Variants in PCDHGC3 observed in about 807,000 individuals in gnomAD.
The protein encoded by PCDHGC3 is protocadherin gamma-C3.
A neutral mutation model predicts 59.2 loss-of-function variants in PCDHGC3; 26 were observed. The observed-to-expected ratio is 0.44, with a 90% CI of 0.32 to 0.61. PCDHGC3 has a LOEUF of 0.61. PCDHGC3 is among the 20% of genes least tolerant of loss of function. The pLI is 0.05. For synonymous variants in PCDHGC3, 487 were observed against 519.7 expected, an observed-to-expected ratio of 0.94 and a Z score of 0.86; for missense variants, 1,080 against 1,221.8, an observed-to-expected ratio of 0.88 and a Z score of 1.73.
At chr5:141,504,517 T>C (rs1057166865) in intron 2 of PCDHGC3, among the ~76,000 whole-genome samples, 5 of 151,918 alleles carry the variant, frequency 3.3e-5, no homozygotes, top group African/African-American at 1.2e-4. Context: ...TCTCCTCTGA[T>C]ATATTTTATT....
rs376937850 is a variant in PCDHGC3 at position 141,491,097 on chromosome 5, C to T, written c.2431-3710C>T. The T allele has an allele frequency of 1.2e-6, 2 of 1,614,170 alleles. No homozygotes were observed. Among genetic ancestry groups the T allele is most frequent in the Non-Finnish European group, 1.7e-6 (2 of 1,180,018 alleles). On this transcript the variant is annotated intron_variant, in intron 1 of 3. Coordinates refer to ENST00000308177, the MANE Select transcript of PCDHGC3 (RefSeq NM_002588.4). The surrounding 1 kb of genome is among the most constrained non-coding windows in gnomAD (Gnocchi z 6.9). ...CACAGTCCACAGCCCCAGGACTGTT[C>T]CTCGTGTCTACACACACTGGTGAGG...
Position 141,478,305 on chromosome 5 carries a change from C to G in PCDHGC3, c.2189C>G (p.Pro730Arg). Residue 730 changes from proline (P) to arginine (R), a missense_variant, in exon 1 of 4, where the codon CCG becomes CGG. Transcript: ENST00000308177. Reference protein sequence around the residue: ...WKQSRDLYRAPVSSLYRTPGP... With the variant: ...WKQSRDLYRARVSSLYRTPGP... ...CAGTCTAGAGACCTATACCGAGCCC[C>G]GGTGAGCTCACTGTACCGAACACCA... The G allele has an allele frequency of 6.2e-7, 1 of 1,614,092 alleles. No individual in the cohort carries two copies. Among genetic ancestry groups the G allele is most frequent in the Non-Finnish European group, 8.5e-7 (1 of 1,180,042 alleles).
Position 141,477,588 on chromosome 5 carries a change from G to T in PCDHGC3, c.1472G>T (p.Arg491Leu). 1 of 1,614,152 alleles carries T rather than the reference G, an allele frequency of 6.2e-7. No individual in the cohort carries two copies. The highest frequency in any genetic ancestry group is 8.5e-7 in the Non-Finnish European group (1 of 1,180,040). ...GACCCCGACGCCCCGCAGAATGCTCGGCTTTCTTTCTTTCTCTTGGAGCAA... is the reference window on the plus strand; with the variant it reads ...GACCCCGACGCCCCGCAGAATGCTCTGCTTTCTTTCTTTCTCTTGGAGCAA... ...VWDPDAPQNARLSFFLLEQGA... is the reference protein window; with the variant it reads ...VWDPDAPQNALLSFFLLEQGA... Residue 491 changes from arginine (R) to leucine (L), a missense_variant, in exon 1 of 4, where the codon CGG becomes CTG. Arg to Leu is a moderately radical substitution (Grantham distance 102). Coordinates refer to ENST00000308177, the MANE Select transcript of PCDHGC3 (RefSeq NM_002588.4). This position sits in a 1 kb window ranked among gnomAD's most constrained non-coding sequence, Gnocchi z 4.9.
rs759604162 is a variant in PCDHGC3, at chr5:141,478,551, G to A, written c.2430+5G>A. 10 of 1,603,054 alleles carry A rather than the reference G, an allele frequency of 6.2e-6. No individual in the cohort carries two copies. The highest frequency in any genetic ancestry group is 3.3e-5 in the South Asian group (3 of 90,106). On this transcript the variant is annotated splice_donor_5th_base_variant and intron_variant, in intron 1 of 3. Coordinates refer to ENST00000308177, the MANE Select transcript of PCDHGC3 (RefSeq NM_002588.4). ...GAGAGCGCCCCTCCCGGACAGGTAAGGTTTAGCAAGTCATGCTTGACCCTG... is the reference window on the plus strand; with the variant it reads ...GAGAGCGCCCCTCCCGGACAGGTAAAGTTTAGCAAGTCATGCTTGACCCTG...
intron 3 of PCDHGC3, 69 bp from the exon 4 acceptor site, chr5:141,510,878 G>A (rs896348248): frequency 6.2e-7 from 1 of 1,610,438 alleles, no homozygotes; most frequent in African/African-American, 1.3e-5. Context: ...TTAACTGCTG[G>A]GGATATAAGA....
chr5:141,492,425 C>T (rs1243599547), intron 1 of PCDHGC3, among the ~76,000 whole-genome samples: 1 of 152,254 alleles, frequency 6.6e-6, no homozygotes, highest in Non-Finnish European at 1.5e-5. Flanking sequence ...CTCCGCCGGG[C>T]TCAGGAGTAC....
intron 3 of PCDHGC3, 31 bp downstream of exon 3, chr5:141,505,512 T>C (rs754223095): frequency 6.2e-7 from 1 of 1,613,676 alleles, no homozygotes; most frequent in South Asian, 1.1e-5. Context: ...TATGGAAGAG[T>C]GGGAGACCTG....
At position 141,489,264 on chromosome 5, in the gene PCDHGC3, G is replaced by T. The variant is rs1314393358; in HGVS notation, c.2431-5543G>T. 10 of 1,553,088 alleles carry T rather than the reference G, an allele frequency of 6.4e-6. No individual in the cohort carries two copies. Among genetic ancestry groups the T allele is most frequent in the Non-Finnish European group, 7.0e-6 (8 of 1,149,620 alleles). ...TCATGGGGCCCAAGACACTCCCACA[G>T]CTCGCTGGGAAATGGCAAGTGCTGT... On this transcript the variant is annotated intron_variant, in intron 1 of 3. Transcript: ENST00000308177. The surrounding 1 kb of genome is among the most constrained non-coding windows in gnomAD (Gnocchi z 4.5).
intron 1 of PCDHGC3, 161 bp from the exon 2 acceptor site, chr5:141,494,646 T>C (rs1324048407): frequency 1.1e-6 from 1 of 935,836 alleles, no homozygotes; most frequent in East Asian, 1.2e-4. Flanking sequence ...AGACCTGAGG[T>C]GTATTTTGTC....
chr5:141,495,205 C>T (rs977479495), intron 2 of PCDHGC3, among the ~76,000 whole-genome samples: 1 of 152,212 alleles, frequency 6.6e-6, no homozygotes, highest in African/African-American at 2.4e-5. Flanking sequence ...TACTGCCTAA[C>T]CCCCTCCCCT....
intron 1 of PCDHGC3, among the ~76,000 whole-genome samples, 197 bp from the exon 2 acceptor site, chr5:141,494,610 T>C (rs1428159953): frequency 6.6e-6 from 1 of 152,152 alleles, no homozygotes; most frequent in Non-Finnish European, 1.5e-5. Flanking sequence ...GATTTATCTC[T>C]TGGTTTCTGG....
chr5:141,482,546 A>G (rs1489817593), intron 1 of PCDHGC3, among the ~76,000 whole-genome samples: 1 of 151,868 alleles, frequency 6.6e-6, no homozygotes, highest in Non-Finnish European at 1.5e-5. Context: ...AAAAAAAAAA[A>G]AAAGATAATG....
chr5:141,509,516 T>C (rs2099877144), intron 3 of PCDHGC3, among the ~76,000 whole-genome samples: 1 of 152,130 alleles, frequency 6.6e-6, no homozygotes, highest in Non-Finnish European at 1.5e-5. Context: ...GTGTTGATGA[T>C]GTATTGCACA....
In PCDHGC3 at chr5:141,491,169, G is replaced by A. The variant is rs374498014; in HGVS notation, c.2431-3638G>A. The A allele has an allele frequency of 1.2e-6, 2 of 1,614,192 alleles. No homozygotes were observed. Among genetic ancestry groups the A allele is most frequent in the African/African-American group, 1.3e-5 (1 of 75,058 alleles). On this transcript the variant is annotated intron_variant, in intron 1 of 3. Transcript: ENST00000308177. The surrounding 1 kb of genome is among the most constrained non-coding windows in gnomAD (Gnocchi z 6.9). ...TGGAGGATGACTCTGACACCCAGCA[G>A]GTGGTGGTCCTGGTGAGGGACAATG...
chr5:141,496,932 T>G (rs1336402833), intron 2 of PCDHGC3, among the ~76,000 whole-genome samples: 1 of 148,964 alleles, frequency 6.7e-6, no homozygotes, highest in Non-Finnish European at 1.5e-5. Context: ...ACGCCTGTAA[T>G]CCCAGCACTT....
In PCDHGC3 at chr5:141,494,860, C is replaced by T. The variant is rs372794752; in HGVS notation, c.2484C>T (p.Thr828=). Residue 828 remains threonine, a synonymous_variant, in exon 2 of 4, where the codon ACC becomes ACT. Coordinates refer to ENST00000308177, the MANE Select transcript of PCDHGC3 (RefSeq NM_002588.4). ...TCTCTCAGGCCCAGAGACCCGGCAC[C>T]AGCGGGTAGGTGACTGATTCTCCAG... ...WRFSQAQRPG[T]SGSQNGDDTG... 5.6e-6 allele frequency: 9 copies of T among 1,614,032 alleles called. No homozygotes were observed. Among genetic ancestry groups the T allele is most frequent in the Non-Finnish European group, 7.6e-6 (9 of 1,180,024 alleles).
chr5:141,504,209 C>T (rs1305672612), intron 2 of PCDHGC3, among the ~76,000 whole-genome samples: 1 of 152,180 alleles, frequency 6.6e-6, no homozygotes, highest in Non-Finnish European at 1.5e-5. Flanking sequence ...TGGGAAAATT[C>T]CAAGTAGAGC....
chr5:141,478,652 G>A (rs188883724), intron 1 of PCDHGC3, 106 bp downstream of exon 1: 2 of 1,551,970 alleles, frequency 1.3e-6, no homozygotes, highest in East Asian at 2.4e-5. Flanking sequence ...TGTTTTCCTG[G>A]TGATGCATTC....
rs1254986724 is a variant in PCDHGC3, at chr5:141,490,928, C to G, written c.2431-3879C>G. ...CTAGACGAGAATGATAATGCCCCAGCTGTGCTGCACCCACGGCCAGACTGG... is the reference window on the plus strand; with the variant it reads ...CTAGACGAGAATGATAATGCCCCAGGTGTGCTGCACCCACGGCCAGACTGG... On this transcript the variant is annotated intron_variant, in intron 1 of 3. Transcript: ENST00000308177. The surrounding 1 kb of genome is among the most constrained non-coding windows in gnomAD (Gnocchi z 5.4). 2 of 1,613,466 alleles carry G rather than the reference C, an allele frequency of 1.2e-6. No homozygotes were observed. Among genetic ancestry groups the G allele is most frequent in the Non-Finnish European group, 1.7e-6 (2 of 1,179,624 alleles).
Sources: gnomAD v4.1 joint callset for allele counts (sites outside exome capture counted in the v4.1 genomes callset) on GRCh38, gnomAD v4.1.1 for gene constraint, Gnocchi (gnomAD v3.1) non-coding constraint, MANE v1.5 for transcripts, NCBI Gene and HGNC (gene_info 2026-07-23, HGNC 2026-07-21) for gene names.